The following MAN2A2 variants were observed in gnomAD, a reference collection of about 807,000 sequenced individuals.
MAN2A2 encodes mannosidase alpha class 2A member 2.
Under a neutral mutation model 126.8 loss-of-function variants are expected in MAN2A2, and 79 were observed. The observed-to-expected ratio is 0.62, with a 90% CI of 0.52 to 0.75. The LOEUF is 0.75. MAN2A2 is among the 30% of genes least tolerant of loss of function. The pLI is 0.00. For missense variants in MAN2A2, 1,392 were observed against 1,522.4 expected (o/e 0.91, Z 1.43); for synonymous variants, 671 against 618.7 (o/e 1.08, Z -1.25).
chr15:90,904,389 CAG>C (rs1483319966), intron 2 of MAN2A2, 50 bp downstream of exon 2: 1 of 1,589,562 alleles, frequency 6.3e-7, no homozygotes, highest in Non-Finnish European at 8.6e-7. Flanking sequence ...CACCTGGGCT[CAG>C]GGTATGCACC....
chr15:90,916,438 A>C (rs1596176846), intron 20 of MAN2A2, 182 bp downstream of exon 20: 2 of 1,080,260 alleles, frequency 1.9e-6, no homozygotes, highest in African/African-American at 1.6e-5. Context: ...GCAGCCTGGC[A>C]CCTTCCTCTC....
rs568474315 is a variant in MAN2A2 at position 90,922,048 on chromosome 15, A to G, written c.*2261A>G. The G allele has an allele frequency of 1.5e-4, 23 of 152,350 alleles. No homozygotes were observed. Among genetic ancestry groups the G allele is most frequent in the African/African-American group, 5.3e-4 (22 of 41,584 alleles). 9.4% of individuals were successfully genotyped at this position (152,350 alleles called of 1,614,324 possible). On this transcript the variant is annotated 3_prime_UTR_variant, in exon 23 of 23. Transcript: ENST00000559717. ...GGGACGGTCTTTTCTAAACTTTAAC[A>G]TGAGACTTAAAAGATATAATAAGGG... is the stretch of plus-strand genomic sequence containing the variant.
chr15:90,917,304 C>T (rs964999670), intron 20 of MAN2A2, among the ~76,000 whole-genome samples: 8 of 152,278 alleles, frequency 5.3e-5, no homozygotes, highest in South Asian at 2.1e-4. Context: ...TCAGGGCAGA[C>T]GGCAGAGCAC....
At position 90,912,291 on chromosome 15, in the gene MAN2A2, G is replaced by A; in HGVS notation, c.2346+12G>A. On this transcript the variant is annotated intron_variant, in intron 15 of 22. Transcript: ENST00000559717. ...CTGGGCTCCTCAAGGTAAAAGGCCA[G>A]GGTGGTGGGGAAGGGCCAGGGGCCA... 1.2e-6 allele frequency: 2 copies of A among 1,613,788 alleles called. No individual in the cohort carries two copies. Among genetic ancestry groups the A allele is most frequent in the Non-Finnish European group, 1.7e-6 (2 of 1,179,680 alleles).
In MAN2A2 at chr15:90,918,656, A is replaced by T. The variant is rs1255044608; in HGVS notation, c.3201A>T (p.Leu1067=). The part of the protein sequence containing the change: ...LRTLQAEEDT[L]PSAETALILH... ...TGTCTGTCATCCAGGAGGACACCCT[A>T]CCCTCGGCGGAGACCGCACTCATCT... is the stretch of plus-strand genomic sequence containing the variant. The change falls in exon 22 of 23, where the codon CTA becomes CTT. Residue 1067 remains leucine (L), a synonymous_variant. Coordinates refer to ENST00000559717, the MANE Select transcript of MAN2A2 (RefSeq NM_006122.4). The T allele has an allele frequency of 5.9e-6, 9 of 1,518,094 alleles. No individual in the cohort carries two copies. The highest frequency in any genetic ancestry group is 8.2e-6 in the Non-Finnish European group (9 of 1,093,494). 94.0% of individuals were successfully genotyped at this position (1,518,094 alleles called of 1,614,324 possible). A position where few individuals can be genotyped will look rare whatever the true frequency, so the allele number is the denominator to read the frequency against.
chr15:90,905,950 C>T lies in MAN2A2; in HGVS notation c.641C>T (p.Ala214Val). The T allele has an allele frequency of 1.2e-6, 2 of 1,613,940 alleles. No homozygotes were observed. The highest frequency in any genetic ancestry group is 1.7e-6 in the Non-Finnish European group (2 of 1,179,910). ...GACCCCCGGCGGCGCTTCCTCTGGGCAGAGGTCTCCTTCTTCGCCAAGTGG... is the reference window on the plus strand; with the variant it reads ...GACCCCCGGCGGCGCTTCCTCTGGGTAGAGGTCTCCTTCTTCGCCAAGTGG... ...QEDPRRRFLW[A>V]EVSFFAKWWD... is the part of the protein sequence containing the mutation. Residue 214 changes from alanine to valine, a missense_variant, in exon 5 of 23, where the codon GCA becomes GTA. Coordinates refer to ENST00000559717, the MANE Select transcript of MAN2A2 (RefSeq NM_006122.4).
At chr15:90,917,487 A>G (rs536826571) in intron 20 of MAN2A2, among the ~76,000 whole-genome samples, 7 of 152,322 alleles carry the variant, frequency 4.6e-5, no homozygotes, top group African/African-American at 1.4e-4. Context: ...TGACAGCGGG[A>G]GGCTGTTCAG....
At position 90,909,367 on chromosome 15, in the gene MAN2A2, C is replaced by A; in HGVS notation, c.1237C>A (p.Leu413Met). 2 of 1,613,978 alleles carry A rather than the reference C, an allele frequency of 1.2e-6. No individual in the cohort carries two copies. The highest frequency in any genetic ancestry group is 1.7e-6 in the Non-Finnish European group (2 of 1,179,834). ...LLDQYRKKSQ[L>M]FRSNVLLVPL... ...GGACCAATACCGGAAGAAGTCCCAG[C>A]TGTTCCGAAGCAACGTCCTCCTGGT... The change falls in exon 9 of 23, where the codon CTG becomes ATG. Residue 413 changes from leucine (L) to methionine (M), a missense_variant. By Grantham distance (15) the Leu-to-Met change is conservative. Coordinates refer to ENST00000559717, the MANE Select transcript of MAN2A2 (RefSeq NM_006122.4).
rs1474612619 is a variant in MAN2A2, at chr15:90,905,275, C to T, written c.157C>T (p.Arg53Cys). 5.0e-6 allele frequency: 8 copies of T among 1,613,230 alleles called. No homozygotes were observed. The highest frequency in any genetic ancestry group is 1.3e-5 in the African/African-American group (1 of 74,908). ...GAGCCAAATTTCTGTGCTGCAGAACCGCATTGAGCAGCTGGAGCAGCTTTT... is the reference window on the plus strand; with the variant it reads ...GAGCCAAATTTCTGTGCTGCAGAACTGCATTGAGCAGCTGGAGCAGCTTTT... Reference protein sequence around the residue: ...PRSQISVLQNRIEQLEQLLEE... With the variant: ...PRSQISVLQNCIEQLEQLLEE... Residue 53 changes from arginine to cysteine, a missense_variant, in exon 3 of 23, where the codon CGC becomes TGC. Coordinates refer to ENST00000559717, the MANE Select transcript of MAN2A2 (RefSeq NM_006122.4).
At chr15:90,909,986 C>A in intron 9 of MAN2A2, 104 bp from the exon 10 acceptor site, 3 of 980,640 alleles carry the variant, frequency 3.1e-6, no homozygotes, top group Middle Eastern at 3.4e-4. Context: ...ACAGTTCCTG[C>A]TTCTGAGGCC....
chr15:90,911,641 G>T (rs1295786607), intron 14 of MAN2A2, 91 bp downstream of exon 14: 133 of 1,383,974 alleles, frequency 9.6e-5, no homozygotes, highest in Non-Finnish European at 1.3e-4. Context: ...CCTCCTGCTT[G>T]TGGCCCTGCT....
In MAN2A2 at chr15:90,910,618, C is replaced by T. The variant is rs1356095144; in HGVS notation, c.1695C>T (p.Leu565=). 8 of 1,614,172 alleles carry T rather than the reference C, an allele frequency of 5.0e-6. No individual in the cohort carries two copies. In the South Asian group the frequency reaches 6.6e-5, roughly 13 times the overall value. The change falls in exon 11 of 23, where the codon CTC becomes CTT. Residue 565 remains leucine, a synonymous_variant. Transcript: ENST00000559717. ...CGGAAGCTCGGCGCACATTGGGGCT[C>T]TTCCAGCATCACGATGCCATCACTG... ...LLTEARRTLG[L]FQHHDAITGT...
chr15:90,918,554 G>C, intron 21 of MAN2A2, 91 bp from the exon 22 acceptor site: 1 of 1,214,004 alleles, frequency 8.2e-7, no homozygotes, highest in Non-Finnish European at 1.2e-6. Context: ...ACGCCTCCCT[G>C]TGCCAGCACT....
At chr15:90,909,733 A>G (rs2034578941) in intron 9 of MAN2A2, among the ~76,000 whole-genome samples, 2 of 151,690 alleles carry the variant, frequency 1.3e-5, no homozygotes, top group Admixed American at 1.3e-4. Context: ...CTGCCCAAGT[A>G]GCTGGGACTA....
At chr15:90,915,949 C>T (rs1343850174) in intron 19 of MAN2A2, 174 bp from the exon 20 acceptor site, 1 of 613,532 alleles carries the variant, frequency 1.6e-6, no homozygotes. Context: ...CAGGACGAGC[C>T]CCTCATCAGG....
rs780391141 is a variant in MAN2A2, at chr15:90,910,249, C to T, written c.1534C>T (p.Pro512Ser). 5 of 1,614,194 alleles carry T rather than the reference C, an allele frequency of 3.1e-6. No individual in the cohort carries two copies. Among genetic ancestry groups the T allele is most frequent in the Non-Finnish European group, 3.4e-6 (4 of 1,180,038 alleles). The change falls in exon 10 of 23, where the codon CCC becomes TCC. Residue 512 changes from proline (P) to serine (S), a missense_variant. Physicochemically the swap from Pro to Ser is moderately conservative, Grantham distance 74. Transcript: ENST00000559717. Reference sequence around the variant, plus strand: ...CTGGACAGGCTATTACACTTCCCGGCCCTTCTACAAGAGCTTAGACCGAGT... The same window carrying T: ...CTGGACAGGCTATTACACTTCCCGGTCCTTCTACAAGAGCTTAGACCGAGT... ...HYWTGYYTSR[P>S]FYKSLDRVLE...
At position 90,912,694 on chromosome 15, in the gene MAN2A2, C is replaced by A. The variant is rs1478298917; in HGVS notation, c.2469+30C>A. 8 of 1,612,948 alleles carry A rather than the reference C, an allele frequency of 5.0e-6. No individual in the cohort carries two copies. The Admixed American group carries it at 1.0e-4, about 20-fold the overall frequency. On this transcript the variant is annotated intron_variant, in intron 16 of 22. Transcript: ENST00000559717. The stretch of plus-strand genomic sequence containing the variant: ...CCTAAAGATGCCTTGAACAACCTGG[C>A]AGGGAGGGCAGGAGGGGGCACAGGC...
intron 5 of MAN2A2, 83 bp downstream of exon 5, chr15:90,906,099 C>A: frequency 6.4e-7 from 1 of 1,568,928 alleles, no homozygotes; most frequent in Non-Finnish European, 8.7e-7. Context: ...GCTATGGGTG[C>A]CAAGGTGGCA....
chr15:90,916,014 T>TC, intron 19 of MAN2A2, 109 bp from the exon 20 acceptor site: 1 of 1,297,476 alleles, frequency 7.7e-7, no homozygotes, highest in Non-Finnish European at 1.1e-6. Flanking sequence ...AGCTTCTGTC[T>TC]CTCGAGCTGC....
Sources: allele counts gnomAD v4.1 joint callset (sites outside exome capture counted in the v4.1 genomes callset), GRCh38; gene constraint gnomAD v4.1.1; transcripts MANE v1.5; gene names NCBI Gene and HGNC (gene_info 2026-07-23, HGNC 2026-07-21).